The following KCNQ5 variants were observed in gnomAD, a reference collection of about 807,000 sequenced individuals.
KCNQ5 encodes potassium voltage-gated channel subfamily KQT member 5.
Under a neutral mutation model 98.2 loss-of-function variants are expected in KCNQ5, and 30 were observed. The ratio of observed to expected loss-of-function variants is 0.31; its 90% CI spans 0.23 to 0.41. KCNQ5 has a LOEUF of 0.41. Among genes scored for constraint, KCNQ5 ranks in the 10% least tolerant of loss-of-function variants. The pLI is 1.00. For missense variants in KCNQ5, 835 were observed against 1,182.5 expected (o/e 0.71, Z 4.31); for synonymous variants, 458 against 449.4 (o/e 1.02, Z -0.24).
chr6:72,874,078 T>A (rs200466711), intron 1 of KCNQ5, among the ~76,000 whole-genome samples: 1 of 151,742 alleles, frequency 6.6e-6, no homozygotes. Flanking sequence ...ATATTATATT[T>A]AATGTTTTAA....
At chr6:72,899,994 C>T (rs796701899) in intron 1 of KCNQ5, among the ~76,000 whole-genome samples, 7 of 152,108 alleles carry the variant, frequency 4.6e-5, no homozygotes, top group East Asian at 1.9e-4. Context: ...TGCACCACCA[C>T]GCCCTGCTAC....
At chr6:73,113,219 T>A (rs1775327818) in intron 7 of KCNQ5, among the ~76,000 whole-genome samples, 1 of 152,236 alleles carries the variant, frequency 6.6e-6, no homozygotes, top group South Asian at 2.1e-4. Context: ...TTACTGTTCT[T>A]ATCCTTTAAT....
intron 1 of KCNQ5, among the ~76,000 whole-genome samples, chr6:72,738,064 A>G (rs1434682249): frequency 6.6e-6 from 1 of 152,146 alleles, no homozygotes; most frequent in Non-Finnish European, 1.5e-5. Context: ...CTGAGGCAGG[A>G]GAATGGCGTG....
chr6:72,795,979 T>A (rs1774314320), intron 1 of KCNQ5, among the ~76,000 whole-genome samples: 1 of 152,096 alleles, frequency 6.6e-6, no homozygotes, highest in African/African-American at 2.4e-5. Context: ...AATCACTTCA[T>A]AAATATACAC....
At position 72,938,553 on chromosome 6, in the gene KCNQ5, TA is replaced by T. The variant is rs1271747940; in HGVS notation, c.399-65354del. 1.4e-3 allele frequency among the ~76,000 whole-genome samples: 18 copies of T among 12,600 alleles called. No individual in the cohort carries two copies. In the Admixed American group the frequency reaches 0.026, roughly 19 times the overall value. 8.3% of individuals were successfully genotyped at this position (12,600 alleles called of 152,430 possible). On this transcript the variant is annotated intron_variant, in intron 1 of 13. Coordinates refer to ENST00000370398, the MANE Select transcript of KCNQ5 (RefSeq NM_019842.4). ...CACCACCACACCCGGCTAATTCTTG[TA>T]TTTTTTTTTTAGTAGAGATGGGGTT...
intron 6 of KCNQ5, among the ~76,000 whole-genome samples, chr6:73,107,480 G>A (rs7763151): frequency 0.96 from 145,726 of 152,304 alleles, 69,714 homozygotes; most frequent in South Asian, 0.98. Flanking sequence ...GCAGACATCA[G>A]TGTTCAAAAT....
intron 3 of KCNQ5, among the ~76,000 whole-genome samples, chr6:73,047,706 A>G (rs1238354985): frequency 6.6e-6 from 1 of 152,230 alleles, no homozygotes; most frequent in Non-Finnish European, 1.5e-5. Flanking sequence ...AAATTCATTC[A>G]CAGACAGGGT....
chr6:73,195,283 C>A lies in KCNQ5; in HGVS notation c.2668C>A (p.Pro890Thr). ...ETETDTFDAA[P>T]QPAREAAFAS... ...AGAGACAGACACTTTTGATGCCGCA[C>A]CGCAGCCTGCCAGGGAAGCTGCCTT... The change falls in exon 14 of 14, where the codon CCG becomes ACG. Residue 890 changes from proline (P) to threonine (T), a missense_variant. By Grantham distance (38) the Pro-to-Thr change is conservative. Coordinates refer to ENST00000370398, the MANE Select transcript of KCNQ5 (RefSeq NM_019842.4). 2 of 1,614,162 alleles carry A rather than the reference C, an allele frequency of 1.2e-6. No individual in the cohort carries two copies. Among genetic ancestry groups the A allele is most frequent in the Non-Finnish European group, 1.7e-6 (2 of 1,180,040 alleles).
chr6:72,653,106 A>G (rs569253200), intron 1 of KCNQ5, among the ~76,000 whole-genome samples: 1 of 151,614 alleles, frequency 6.6e-6, no homozygotes, highest in African/African-American at 2.4e-5. Flanking sequence ...ATTTTTTTTT[A>G]AAAAAGAGAC....
chr6:73,116,920 T>A (rs1268979362), intron 7 of KCNQ5, among the ~76,000 whole-genome samples: 1 of 152,172 alleles, frequency 6.6e-6, no homozygotes, highest in Non-Finnish European at 1.5e-5. Flanking sequence ...CCAGTAAGGA[T>A]CAAACATGCC....
chr6:72,920,852 A>G (rs1223570308), intron 1 of KCNQ5, among the ~76,000 whole-genome samples: 2 of 152,166 alleles, frequency 1.3e-5, no homozygotes, highest in East Asian at 1.9e-4. Context: ...CACAGCACCT[A>G]TCTGGCTTCA....
intron 1 of KCNQ5, among the ~76,000 whole-genome samples, chr6:72,804,647 G>A (rs182780881): frequency 5.6e-4 from 85 of 152,194 alleles, no homozygotes; most frequent in African/African-American, 2.0e-3. Flanking sequence ...TATCTCTTCA[G>A]TATACTGATT....
chr6:73,007,928 G>A (rs1004396371), intron 2 of KCNQ5, among the ~76,000 whole-genome samples: 2 of 152,116 alleles, frequency 1.3e-5, no homozygotes, highest in Admixed American at 6.5e-5. Flanking sequence ...GGAATACAGT[G>A]TATAAAGATG....
chr6:72,657,142 TG>T (rs1449906014), intron 1 of KCNQ5, among the ~76,000 whole-genome samples: 1 of 152,088 alleles, frequency 6.6e-6, no homozygotes, highest in Non-Finnish European at 1.5e-5. Context: ...CCCAGGAGCT[TG>T]AGGTTATGGT....
Position 72,838,599 on chromosome 6 carries a change from A to C in KCNQ5, c.399-165309A>C, listed in dbSNP as rs376642178. ...AATTTCACTTCACACCATTTTAAAT[A>C]GTTGGTATTCTCCTTATAAATGTTA... is the stretch of plus-strand genomic sequence containing the variant. On this transcript the variant is annotated intron_variant, in intron 1 of 13. Transcript: ENST00000370398. Among the ~76,000 whole-genome samples the C allele has an allele frequency of 7.5e-4, 114 of 152,322 alleles. No homozygotes were observed. In the South Asian group the frequency reaches 0.023, roughly 30 times the overall value.
chr6:73,054,669 A>G (rs532883843), intron 3 of KCNQ5, among the ~76,000 whole-genome samples: 1 of 152,216 alleles, frequency 6.6e-6, no homozygotes, highest in Non-Finnish European at 1.5e-5. Context: ...ACCCTCAACA[A>G]ACTAGGCACT....
chr6:72,977,698 C>G (rs757260262), intron 1 of KCNQ5, among the ~76,000 whole-genome samples: 1 of 152,168 alleles, frequency 6.6e-6, no homozygotes, highest in Non-Finnish European at 1.5e-5. Context: ...TTTGTCCATA[C>G]GTTCAACTCT....
In KCNQ5 at chr6:72,834,387, T is replaced by C. The variant is rs527901127; in HGVS notation, c.399-169521T>C. 3.3e-5 allele frequency among the ~76,000 whole-genome samples: 5 copies of C among 152,284 alleles called. No homozygotes were observed. In the East Asian group the frequency reaches 9.6e-4, roughly 29 times the overall value. Reference sequence around the variant, plus strand: ...GTAAGAGGTTTAGTGTTGGATATTATGGATATTCATCTGACTCTGAAATAT... The same window carrying C: ...GTAAGAGGTTTAGTGTTGGATATTACGGATATTCATCTGACTCTGAAATAT... On this transcript the variant is annotated intron_variant, in intron 1 of 13. Transcript: ENST00000370398.
At chr6:72,794,173 A>C (rs1029635240) in intron 1 of KCNQ5, among the ~76,000 whole-genome samples, 1 of 152,348 alleles carries the variant, frequency 6.6e-6, no homozygotes, top group African/African-American at 2.4e-5. Flanking sequence ...TCCTATTTAT[A>C]GCTTTCGGGA....
Sources: allele counts gnomAD v4.1 joint callset (sites outside exome capture counted in the v4.1 genomes callset), GRCh38; gene constraint gnomAD v4.1.1; transcripts MANE v1.5; gene names NCBI Gene and HGNC (gene_info 2026-07-23, HGNC 2026-07-21).